MAP2K1: variants seen among roughly 807,000 people sequenced by gnomAD.
MAP2K1 encodes dual specificity mitogen-activated protein kinase kinase 1.
In MAP2K1, 16 loss-of-function variants were observed where a neutral mutation model predicts 46.3. That is an observed-to-expected ratio of 0.35 (90% CI 0.23 to 0.52). The LOEUF (loss-of-function observed/expected upper bound fraction) is 0.52, where lower values mean the gene tolerates loss of function less well. Ranked by LOEUF, MAP2K1 falls within the 20% of genes least tolerant of loss-of-function variation. The probability of loss-of-function intolerance (pLI) is 0.94; values close to 1 mark genes in which losing one functional copy is unlikely to be tolerated. For synonymous variants in MAP2K1, 183 were observed against 185.6 expected, an observed-to-expected ratio of 0.99 and a Z score of 0.11; for missense variants, 263 against 497.1, an observed-to-expected ratio of 0.53 and a Z score of 4.48.
At chr15:66,482,436 T>C (rs1459291428) in intron 6 of MAP2K1, among the ~76,000 whole-genome samples, 1 of 152,202 alleles carries the variant, frequency 6.6e-6, no homozygotes, top group African/African-American at 2.4e-5. Flanking sequence ...GTCAGACATG[T>C]ACCCCTCCTT....
intron 8 of MAP2K1, among the ~76,000 whole-genome samples, chr15:66,488,158 A>G (rs1893111415): frequency 6.6e-6 from 1 of 152,134 alleles, no homozygotes; most frequent in South Asian, 2.1e-4. Context: ...TCTGCTGCCT[A>G]GCTCTTTCCT....
chr15:66,392,254 GGTT>G (rs1201557108), intron 1 of MAP2K1, among the ~76,000 whole-genome samples: 4 of 79,676 alleles, frequency 5.0e-5, no homozygotes, highest in Non-Finnish European at 6.7e-5. Context: ...GTTTTTTTTG[GGTT>G]TTTTTTTTTT....
intron 5 of MAP2K1, among the ~76,000 whole-genome samples, chr15:66,454,339 T>C (rs146156710): frequency 3.1e-4 from 47 of 152,350 alleles, no homozygotes; most frequent in African/African-American, 1.1e-3. Flanking sequence ...AAATTGTGAC[T>C]GTGCTACTTG....
At chr15:66,448,599 A>G (rs895393841) in intron 5 of MAP2K1, among the ~76,000 whole-genome samples, 4 of 152,234 alleles carry the variant, frequency 2.6e-5, no homozygotes, top group African/African-American at 9.6e-5. Flanking sequence ...ATTTCTGTCC[A>G]TGGCAGACTT....
intron 7 of MAP2K1, 83 bp downstream of exon 7, chr15:66,485,274 C>T (rs2140675648): frequency 7.8e-7 from 1 of 1,275,108 alleles, no homozygotes; most frequent in East Asian, 2.5e-5. Flanking sequence ...GGCTGATTCT[C>T]TGTACATTCT....
At chr15:66,447,686 C>CA (rs34064163) in intron 5 of MAP2K1, among the ~76,000 whole-genome samples, 76,206 of 136,328 alleles carry the variant, frequency 0.56, 21,285 homozygotes, top group African/African-American at 0.65. Context: ...GACTCTGTCT[C>CA]AAAAAAAAAA....
chr15:66,441,724 A>G (rs1308839382), intron 3 of MAP2K1, among the ~76,000 whole-genome samples: 1 of 151,312 alleles, frequency 6.6e-6, no homozygotes, highest in East Asian at 1.9e-4. Flanking sequence ...AGTGTGTTCT[A>G]TCTTTATCTT....
intron 1 of MAP2K1, among the ~76,000 whole-genome samples, chr15:66,395,856 C>T (rs1429053033): frequency 6.6e-5 from 10 of 151,982 alleles, no homozygotes; most frequent in Middle Eastern, 3.4e-3. Context: ...GGATTACAGG[C>T]GCCTGGCCCT....
intron 1 of MAP2K1, among the ~76,000 whole-genome samples, chr15:66,428,522 A>C (rs960127245): frequency 6.6e-6 from 1 of 152,134 alleles, no homozygotes; most frequent in Non-Finnish European, 1.5e-5. Flanking sequence ...AAGGTTTTCA[A>C]CTGATTGGCT....
At chr15:66,416,794 A>G (rs1237536051) in intron 1 of MAP2K1, among the ~76,000 whole-genome samples, 1 of 152,164 alleles carries the variant, frequency 6.6e-6, no homozygotes, top group Non-Finnish European at 1.5e-5. Context: ...AGGGTATATT[A>G]TATTACAGCA....
At chr15:66,440,480 A>G (rs2093500759) in intron 3 of MAP2K1, among the ~76,000 whole-genome samples, 1 of 152,198 alleles carries the variant, frequency 6.6e-6, no homozygotes, top group Admixed American at 6.5e-5. Context: ...GATCTTTCCT[A>G]GAAATAAGCT....
chr15:66,389,673 C>G (rs1336731295), intron 1 of MAP2K1, among the ~76,000 whole-genome samples: 1 of 146,114 alleles, frequency 6.8e-6, no homozygotes, highest in Non-Finnish European at 1.5e-5. Flanking sequence ...CTCCCGGCTT[C>G]AAGCGATTCT....
At chr15:66,478,458 G>GTATATATATATACAGGTA (rs1567023760) in intron 5 of MAP2K1, among the ~76,000 whole-genome samples, 1 of 119,838 alleles carries the variant, frequency 8.3e-6, no homozygotes, top group African/African-American at 3.0e-5. Flanking sequence ...ATATATACAG[G>GTATATATATATACAGGTA]TATATATATA....
intron 5 of MAP2K1, among the ~76,000 whole-genome samples, chr15:66,466,480 A>T (rs1892470084): frequency 6.6e-6 from 1 of 152,052 alleles, no homozygotes; most frequent in South Asian, 2.1e-4. Context: ...GGAGTTCAAG[A>T]CCAGCCTGGC....
At chr15:66,476,830 G>C (rs769570667) in intron 5 of MAP2K1, among the ~76,000 whole-genome samples, 20 of 152,232 alleles carry the variant, frequency 1.3e-4, no homozygotes, top group Non-Finnish European at 1.0e-4. Flanking sequence ...TGGGAAGCAA[G>C]TGTGGGGTGC....
chr15:66,481,190 GTGGAA>G (rs970155387), intron 5 of MAP2K1, among the ~76,000 whole-genome samples: 6 of 152,050 alleles, frequency 3.9e-5, no homozygotes, highest in Non-Finnish European at 8.8e-5. Flanking sequence ...AGTGACTCCA[GTGGAA>G]TGGAATGGAA....
At chr15:66,473,194 C>A (rs1892680586) in intron 5 of MAP2K1, among the ~76,000 whole-genome samples, 1 of 152,146 alleles carries the variant, frequency 6.6e-6, no homozygotes, top group Non-Finnish European at 1.5e-5. Context: ...ATTTTGTGAC[C>A]TTTGGCAAGA....
At chr15:66,482,369 A>G (rs1055006919) in intron 6 of MAP2K1, among the ~76,000 whole-genome samples, 1 of 151,448 alleles carries the variant, frequency 6.6e-6, no homozygotes, top group Non-Finnish European at 1.5e-5. Flanking sequence ...GTAGCTCCCA[A>G]CTCCTGAGAG....
chr15:66,433,405 C>A (rs1367577250), intron 1 of MAP2K1, among the ~76,000 whole-genome samples: 1 of 152,184 alleles, frequency 6.6e-6, no homozygotes, highest in Non-Finnish European at 1.5e-5. Context: ...TGGGTTTTGG[C>A]AAGAGCCCTC....
Sources: gnomAD v4.1 joint callset for allele counts (sites outside exome capture counted in the v4.1 genomes callset) on GRCh38, gnomAD v4.1.1 for gene constraint, MANE v1.5 for transcripts, NCBI Gene and HGNC (gene_info 2026-07-23, HGNC 2026-07-21) for gene names.